The following NTM variants were observed in gnomAD, a reference collection of about 807,000 sequenced individuals.
NTM encodes neurotrimin, also known as IgLON family member 2.
In NTM, 13 loss-of-function variants were observed where a neutral mutation model predicts 42.1. That is an observed-to-expected ratio of 0.31 (90% confidence interval 0.20 to 0.49). The LOEUF is 0.49. Ranked by LOEUF, NTM falls within the 20% of genes least tolerant of loss-of-function variation. The pLI is 0.99. For missense variants in NTM, 373 were observed against 452.8 expected (o/e 0.82, Z 1.60); for synonymous variants, 187 against 179.2 (o/e 1.04, Z -0.35).
chr11:131,980,683 A>G (rs948646089), intron 2 of NTM, among the ~76,000 whole-genome samples: 2 of 152,224 alleles, frequency 1.3e-5, no homozygotes, highest in Admixed American at 6.5e-5. Flanking sequence ...CAGTGTGCCA[A>G]TGCTGTGCTG....
intron 2 of NTM, among the ~76,000 whole-genome samples, chr11:131,915,497 C>A (rs1041016070): frequency 3.9e-5 from 6 of 152,168 alleles, no homozygotes; most frequent in African/African-American, 1.4e-4. Flanking sequence ...TATCCCCCAG[C>A]TATATTCAGT....
At chr11:132,037,434 C>A (rs927744445) in intron 2 of NTM, among the ~76,000 whole-genome samples, 1 of 152,148 alleles carries the variant, frequency 6.6e-6, no homozygotes, top group Non-Finnish European at 1.5e-5. Flanking sequence ...TCTTTTATAG[C>A]AACACTAAAT....
At chr11:131,570,950 G>A (rs148283891) in intron 1 of NTM, among the ~76,000 whole-genome samples, 1 of 152,380 alleles carries the variant, frequency 6.6e-6, no homozygotes, top group African/African-American at 2.4e-5. Flanking sequence ...AGGGAAGAGA[G>A]TGGCGGAGAA....
intron 1 of NTM, among the ~76,000 whole-genome samples, chr11:131,711,161 C>A (rs896203671): frequency 1.3e-5 from 2 of 151,972 alleles, no homozygotes; most frequent in South Asian, 2.1e-4. Context: ...GCTTCTGCAC[C>A]GCAAAAGAAA....
intron 1 of NTM, among the ~76,000 whole-genome samples, chr11:131,782,163 A>G (rs1272038048): frequency 2.6e-5 from 4 of 152,198 alleles, no homozygotes; most frequent in African/African-American, 9.6e-5. Flanking sequence ...GCTTAATAAA[A>G]TACAGAAGAG....
At chr11:131,803,407 C>T (rs888280063) in intron 1 of NTM, among the ~76,000 whole-genome samples, 6 of 151,742 alleles carry the variant, frequency 4.0e-5, no homozygotes, top group African/African-American at 1.5e-4. Flanking sequence ...CTCCTGGGTT[C>T]AAGCAATTCT....
intron 1 of NTM, among the ~76,000 whole-genome samples, chr11:131,686,119 G>A (rs997734803): frequency 3.3e-5 from 5 of 152,182 alleles, no homozygotes; most frequent in South Asian, 2.1e-4. Context: ...CACAGACCAC[G>A]GTCTCCCAGG....
chr11:131,693,469 A>T (rs902796459), intron 1 of NTM, among the ~76,000 whole-genome samples: 3 of 152,162 alleles, frequency 2.0e-5, no homozygotes, highest in African/African-American at 7.2e-5. Flanking sequence ...AAGACAGGTT[A>T]AGGAATGGGG....
chr11:131,691,143 C>T (rs1428269154), intron 1 of NTM, among the ~76,000 whole-genome samples: 2 of 152,166 alleles, frequency 1.3e-5, no homozygotes, highest in Non-Finnish European at 2.9e-5. Context: ...GCCTGCAGCC[C>T]CCGGAGGGCG....
At chr11:131,549,276 A>G (rs976821837) in intron 1 of NTM, among the ~76,000 whole-genome samples, 7 of 152,184 alleles carry the variant, frequency 4.6e-5, no homozygotes, top group Non-Finnish European at 8.8e-5. Context: ...CTGAGATGGT[A>G]CCTGTGAGAA....
At chr11:131,564,777 T>C (rs1230470609) in intron 1 of NTM, among the ~76,000 whole-genome samples, 1 of 152,214 alleles carries the variant, frequency 6.6e-6, no homozygotes, top group African/African-American at 2.4e-5. Context: ...ATTTTCCTCT[T>C]TGAGCCTTCT....
rs187093957 is a variant in NTM at position 131,721,879 on chromosome 11, A to G, written c.83-189685A>G. Among the ~76,000 whole-genome samples the G allele has an allele frequency of 5.3e-5, 8 of 151,256 alleles. No homozygotes were observed. In the East Asian group the frequency reaches 1.6e-3, roughly 30 times the overall value. On this transcript the variant is annotated intron_variant, in intron 1 of 8. Transcript: ENST00000683400. ...CTAGGCGTGGTCGTGGGCGCCTGTA[A>G]TTTCAGCTACTTGAGAGACTGAGGC...
In NTM at chr11:131,789,616, G is replaced by A. The variant is rs1415982368; in HGVS notation, c.83-121948G>A. 5.5e-4 allele frequency among the ~76,000 whole-genome samples: 46 copies of A among 84,232 alleles called. 1 individual carries two copies. Among genetic ancestry groups the A allele is most frequent in the Admixed American group, 9.2e-4 (7 of 7,582 alleles). The allele number at this position is 84,232 out of a possible 152,430, so 55.3% of individuals were successfully genotyped here. A position where few individuals can be genotyped will look rare whatever the true frequency, so the allele number is the denominator to read the frequency against. On this transcript the variant is annotated intron_variant, in intron 1 of 8. Transcript: ENST00000683400. ...AGAAGAAGAAGAAGAAGAAGAAGAA[G>A]AAGAAGAAGAAGAAGAAGAAAAGAA...
chr11:132,267,768 G>A (rs1192478715), intron 4 of NTM, among the ~76,000 whole-genome samples: 4 of 151,746 alleles, frequency 2.6e-5, no homozygotes, highest in African/African-American at 9.7e-5. Context: ...CTTGAACTGG[G>A]GAGGCAGATG....
At chr11:131,567,735 C>T (rs2057039798) in intron 1 of NTM, among the ~76,000 whole-genome samples, 1 of 152,188 alleles carries the variant, frequency 6.6e-6, no homozygotes, top group Non-Finnish European at 1.5e-5. Context: ...TGTTAAAGTC[C>T]TGCGTCTTTC....
chr11:131,912,010 G>A (rs934041347), intron 2 of NTM, among the ~76,000 whole-genome samples: 1 of 152,204 alleles, frequency 6.6e-6, no homozygotes, highest in African/African-American at 2.4e-5. Context: ...CTCCCCGCGA[G>A]CAGTCTTCTC....
chr11:131,522,964 C>A (rs2049952488), intron 1 of NTM, among the ~76,000 whole-genome samples: 2 of 152,176 alleles, frequency 1.3e-5, no homozygotes, highest in Admixed American at 1.3e-4. Context: ...TAATATGTAA[C>A]CAGAGCTATG....
At chr11:131,427,288 T>G (rs1948229328) in intron 1 of NTM, among the ~76,000 whole-genome samples, 1 of 152,148 alleles carries the variant, frequency 6.6e-6, no homozygotes, top group Non-Finnish European at 1.5e-5. Flanking sequence ...AATCTGAATC[T>G]TTAGGCATTA....
intron 1 of NTM, among the ~76,000 whole-genome samples, chr11:131,533,477 T>C (rs1591963376): frequency 6.6e-6 from 1 of 152,324 alleles, no homozygotes; most frequent in East Asian, 1.9e-4. Context: ...CTGGGCCTTC[T>C]GCTTAAATGG....
Sources: gnomAD v4.1 joint callset for allele counts (sites outside exome capture counted in the v4.1 genomes callset) on GRCh38, gnomAD v4.1.1 for gene constraint, MANE v1.5 for transcripts, NCBI Gene and HGNC (gene_info 2026-07-23, HGNC 2026-07-21) for gene names.